The following EMILIN2 variants were observed in gnomAD, a reference collection of about 807,000 sequenced individuals.
The protein encoded by EMILIN2 is EMILIN-2.
Under a neutral mutation model 87.1 loss-of-function variants are expected in EMILIN2, and 71 were observed. The ratio of observed to expected loss-of-function variants is 0.82; its 90% CI spans 0.67 to 0.99. EMILIN2 has a LOEUF of 0.99. Among genes scored for constraint, EMILIN2 ranks in the 50% least tolerant of loss-of-function variants. EMILIN2 has a pLI of 0.00. For missense variants in EMILIN2, 1,407 were observed against 1,371.8 expected, an observed-to-expected ratio of 1.03 and a Z score of -0.40; for synonymous variants, 581 against 563.4, an observed-to-expected ratio of 1.03 and a Z score of -0.44.
chr18:2,873,258 A>G (rs1022346386), intron 2 of EMILIN2, among the ~76,000 whole-genome samples: 1 of 152,052 alleles, frequency 6.6e-6, no homozygotes, highest in Admixed American at 6.5e-5. Context: ...TAAAAATACA[A>G]AATTACCCAG....
chr18:2,890,027 A>C lies in EMILIN2; in HGVS notation c.434-534A>C, dbSNP rs2076826402. On this transcript the variant is annotated intron_variant, in intron 3 of 7. Coordinates refer to ENST00000254528, the MANE Select transcript of EMILIN2 (RefSeq NM_032048.3). This position sits in a 1 kb window ranked among gnomAD's most constrained non-coding sequence, Gnocchi z 4.7. ...AAAGTAAAGGACAAAACATTCAGGCACTGCTTTGAGGATAACATCAGAAAA... is the reference window on the plus strand; with the variant it reads ...AAAGTAAAGGACAAAACATTCAGGCCCTGCTTTGAGGATAACATCAGAAAA... 6.6e-6 allele frequency among the ~76,000 whole-genome samples: 1 copy of C among 152,154 alleles called. No homozygotes were observed. The highest frequency in any genetic ancestry group is 1.5e-5 in the Non-Finnish European group (1 of 68,024).
Position 2,847,222 on chromosome 18 carries a change from C to G in EMILIN2, c.34C>G (p.Pro12Ala). 1.6e-6 allele frequency: 2 copies of G among 1,252,238 alleles called. No homozygotes were observed. The highest frequency in any genetic ancestry group is 1.0e-6 in the Non-Finnish European group (1 of 999,440). 77.6% of individuals were successfully genotyped at this position (1,252,238 alleles called of 1,614,324 possible). A position where few individuals can be genotyped will look rare whatever the true frequency, so the allele number is the denominator to read the frequency against. Residue 12 changes from proline to alanine, a missense_variant, in exon 1 of 8, where the codon CCC (proline) becomes GCC (alanine). Pro to Ala is a conservative substitution (Grantham distance 27). Transcript: ENST00000254528. This position sits in a 1 kb window ranked among gnomAD's most constrained non-coding sequence, Gnocchi z 4.5. The stretch of plus-strand genomic sequence containing the variant: ...GCCCAGACGGCCCTGGCCCCGCGTG[C>G]CCTGGCGCTGGGCGCTGGCGCTGCT... The part of the protein sequence containing the change: ...WQPRRPWPRV[P>A]WRWALALLAL...
At chr18:2,867,475 T>C (rs1380746927) in intron 2 of EMILIN2, among the ~76,000 whole-genome samples, 9 of 152,246 alleles carry the variant, frequency 5.9e-5, no homozygotes, top group Non-Finnish European at 1.3e-4. Context: ...GTCTCTGGCT[T>C]TCCTAGGCAG....
chr18:2,873,568 G>A (rs1039582775), intron 2 of EMILIN2, among the ~76,000 whole-genome samples: 6 of 151,372 alleles, frequency 4.0e-5, no homozygotes, highest in Admixed American at 1.3e-4. Flanking sequence ...TTAGCCGGGC[G>A]TGGTGGCGGG....
rs112157658 is a variant in EMILIN2 at position 2,895,759 on chromosome 18, C to T, written c.2359+3273C>T. Among the ~76,000 whole-genome samples the T allele has an allele frequency of 1.9e-3, 292 of 152,324 alleles. 2 individuals are homozygous for T. Among genetic ancestry groups the T allele is most frequent in the African/African-American group, 6.8e-3 (283 of 41,564 alleles). Reference sequence around the variant, plus strand: ...CTGCTGGGCCTCCCACAGGCTAGCCCAGAGCTGGAGTGGCATCACTGCCAC... The same window carrying T: ...CTGCTGGGCCTCCCACAGGCTAGCCTAGAGCTGGAGTGGCATCACTGCCAC... On this transcript the variant is annotated intron_variant, in intron 4 of 7. Coordinates refer to ENST00000254528, the MANE Select transcript of EMILIN2 (RefSeq NM_032048.3).
At position 2,914,707 on chromosome 18, in the gene EMILIN2, T is replaced by C. The variant is rs891477314; in HGVS notation, c.*1303T>C. Reference sequence around the variant, plus strand: ...TTCCTTGGCCCACAAGATGCTCTTATGCTGTAAAAAAAATGCTTTAAGAAT... The same window carrying C: ...TTCCTTGGCCCACAAGATGCTCTTACGCTGTAAAAAAAATGCTTTAAGAAT... On this transcript the variant is annotated 3_prime_UTR_variant, in exon 8 of 8. Transcript: ENST00000254528. 1.3e-5 allele frequency: 2 copies of C among 151,942 alleles called. No individual in the cohort carries two copies. Among genetic ancestry groups the C allele is most frequent in the Non-Finnish European group, 2.9e-5 (2 of 67,998 alleles). 9.4% of individuals were successfully genotyped at this position (151,942 alleles called of 1,614,324 possible).
At chr18:2,859,566 T>G (rs145411667) in intron 2 of EMILIN2, among the ~76,000 whole-genome samples, 3 of 152,346 alleles carry the variant, frequency 2.0e-5, no homozygotes, top group Middle Eastern at 3.4e-3. Context: ...AAAAGCTCTT[T>G]AGTTTAATTA....
At position 2,891,081 on chromosome 18, in the gene EMILIN2, G is replaced by C. The variant is rs1305650254; in HGVS notation, c.954G>C (p.Val318=). 4 of 1,614,066 alleles carry C rather than the reference G, an allele frequency of 2.5e-6. No individual in the cohort carries two copies. Among genetic ancestry groups the C allele is most frequent in the Non-Finnish European group, 3.4e-6 (4 of 1,180,046 alleles). The change falls in exon 4 of 8, where the codon GTG becomes GTC. Residue 318 remains valine (V), a synonymous_variant. Transcript: ENST00000254528. This position sits in a 1 kb window ranked among gnomAD's most constrained non-coding sequence, Gnocchi z 4.6. Reference sequence around the variant, plus strand: ...CCAACGAACTCTACCAAGCCTATGTGGACAGTAAGATCGACGCCCTGAGAG... The same window carrying C: ...CCAACGAACTCTACCAAGCCTATGTCGACAGTAAGATCGACGCCCTGAGAG... ...MTTNELYQAY[V]DSKIDALREE...
chr18:2,897,996 C>T (rs1227564953), intron 4 of EMILIN2, among the ~76,000 whole-genome samples: 1 of 152,126 alleles, frequency 6.6e-6, no homozygotes, highest in Non-Finnish European at 1.5e-5. Context: ...AAAGGAGGCT[C>T]GAGGCCCTTT....
rs191540793 is a variant in EMILIN2, at chr18:2,847,985, G to A, written c.257+54G>A. On this transcript the variant is annotated intron_variant, in intron 2 of 7. Transcript: ENST00000254528. This position sits in a 1 kb window ranked among gnomAD's most constrained non-coding sequence, Gnocchi z 4.5. ...GGCGCGCCCGGGCCGGGGCGGTGGG[G>A]GTGGGGTGGGGTTGCTGCGCTGGGC... 737 of 1,508,916 alleles carry A rather than the reference G, an allele frequency of 4.9e-4. 4 individuals carry two copies. In the African/African-American group the frequency reaches 8.8e-3, roughly 18 times the overall value. 93.5% of individuals were successfully genotyped at this position (1,508,916 alleles called of 1,614,324 possible). A position where few individuals can be genotyped will look rare whatever the true frequency, so the allele number is the denominator to read the frequency against.
intron 2 of EMILIN2, among the ~76,000 whole-genome samples, chr18:2,884,257 CTT>C (rs2076792057): frequency 1.3e-5 from 2 of 149,188 alleles, no homozygotes; most frequent in African/African-American, 5.0e-5. Flanking sequence ...CGCCCAGCCT[CTT>C]TTTCTTTTTT....
intron 2 of EMILIN2, among the ~76,000 whole-genome samples, chr18:2,875,976 T>C (rs1172377693): frequency 7.6e-6 from 1 of 131,594 alleles, no homozygotes; most frequent in Non-Finnish European, 1.6e-5. Flanking sequence ...AAAAGGATTT[T>C]AGATTTTTTT....
At chr18:2,886,694 G>T (rs796201258) in intron 3 of EMILIN2, among the ~76,000 whole-genome samples, 5 of 152,300 alleles carry the variant, frequency 3.3e-5, no homozygotes, top group African/African-American at 1.2e-4. Context: ...GAGCCATGTG[G>T]TGTACTATGA....
chr18:2,860,980 A>G (rs1372546666), intron 2 of EMILIN2, among the ~76,000 whole-genome samples: 3 of 152,166 alleles, frequency 2.0e-5, no homozygotes, highest in African/African-American at 7.2e-5. Flanking sequence ...CATTTCTCTG[A>G]TGGCCAGTGA....
chr18:2,884,399 CA>C (rs1455690642), intron 2 of EMILIN2, among the ~76,000 whole-genome samples: 1 of 139,626 alleles, frequency 7.2e-6, no homozygotes, highest in Non-Finnish European at 1.6e-5. Flanking sequence ...GCATGCGCCA[CA>C]ACACCTGGCT....
Position 2,913,656 on chromosome 18 carries a change from C to T in EMILIN2, c.*252C>T, listed in dbSNP as rs1441972301. 1 of 473,812 alleles carries T rather than the reference C, an allele frequency of 2.1e-6. No individual in the cohort carries two copies. Among genetic ancestry groups the T allele is most frequent in the Non-Finnish European group, 3.8e-6 (1 of 266,538 alleles). 29.4% of individuals were successfully genotyped at this position (473,812 alleles called of 1,614,324 possible). A position where few individuals can be genotyped will look rare whatever the true frequency, so the allele number is the denominator to read the frequency against. On this transcript the variant is annotated 3_prime_UTR_variant, in exon 8 of 8. Transcript: ENST00000254528. The stretch of plus-strand genomic sequence containing the variant: ...TGGACAACTGGAAGACTTGGAAAGG[C>T]CTCCACCTGTATCTACACTCTGAGG...
intron 2 of EMILIN2, among the ~76,000 whole-genome samples, chr18:2,868,668 C>T (rs369469504): frequency 0.03 from 4,607 of 152,262 alleles, 97 homozygotes; most frequent in South Asian, 0.072. Context: ...TGGGGGCGCG[C>T]GCCTGCAATC....
At chr18:2,853,774 G>A (rs2076613156) in intron 2 of EMILIN2, among the ~76,000 whole-genome samples, 1 of 152,230 alleles carries the variant, frequency 6.6e-6, no homozygotes. Flanking sequence ...GAGGGTGCAT[G>A]TGTGATGCCT....
chr18:2,849,059 T>A (rs1316996500), intron 2 of EMILIN2, among the ~76,000 whole-genome samples: 1 of 152,186 alleles, frequency 6.6e-6, no homozygotes, highest in African/African-American at 2.4e-5. Context: ...CATTTCCTAA[T>A]ATACAGTGGA....
Sources: allele counts gnomAD v4.1 joint callset (sites outside exome capture counted in the v4.1 genomes callset), GRCh38; gene constraint gnomAD v4.1.1; non-coding constraint Gnocchi (gnomAD v3.1); transcripts MANE v1.5; gene names NCBI Gene and HGNC (gene_info 2026-07-23, HGNC 2026-07-21).